The following PCDHA6 variants were observed in gnomAD, a reference collection of about 807,000 sequenced individuals.
PCDHA6 encodes protocadherin alpha 6, also known as protocadherin alpha-6.
In PCDHA6, 55 loss-of-function variants were observed where a neutral mutation model predicts 60.3. The observed-to-expected ratio is 0.91, with a 90% CI of 0.73 to 1.14. PCDHA6 has a LOEUF of 1.14. PCDHA6 is among the 50% of genes most tolerant of loss of function. PCDHA6 has a pLI of 0.00. For missense variants in PCDHA6, 1,327 were observed against 1,256.5 expected, an observed-to-expected ratio of 1.06 and a Z score of -0.85; for synonymous variants, 652 against 557.9, an observed-to-expected ratio of 1.17 and a Z score of -2.38.
chr5:140,828,638 A>G lies in PCDHA6; in HGVS notation c.547A>G (p.Lys183Glu). ...TAGCGAATACTTCGGGCTAGATGTG[A>G]AAATAAACAGTGATGACAATAAACA... ...SSSEYFGLDV[K>E]INSDDNKQIG... Residue 183 changes from lysine to glutamate, a missense_variant, in exon 1 of 4, where the codon AAA becomes GAA. By Grantham distance (56) the Lys-to-Glu change is moderately conservative (BLOSUM62 1). Transcript: ENST00000529310. 1 of 1,614,228 alleles carries G rather than the reference A, an allele frequency of 6.2e-7. No homozygotes were observed. Among genetic ancestry groups the G allele is most frequent in the Non-Finnish European group, 8.5e-7 (1 of 1,180,038 alleles).
In PCDHA6 at chr5:140,857,453, C is replaced by T. The variant is rs545328956; in HGVS notation, c.2394+26968C>T. 59 of 1,598,490 alleles carry T rather than the reference C, an allele frequency of 3.7e-5. 5 individuals carry two copies. The highest frequency in any genetic ancestry group is 5.1e-5 in the Non-Finnish European group (59 of 1,167,918). On this transcript the variant is annotated intron_variant, in intron 1 of 3. Coordinates refer to ENST00000529310, the MANE Select transcript of PCDHA6 (RefSeq NM_018909.4). ...GGTGTTCGTGAAGGAGAACAACCCG[C>T]CAGGCTGCCACATCTTCACGGTGTC...
At chr5:140,888,011 A>G (rs1554183291) in intron 1 of PCDHA6, among the ~76,000 whole-genome samples, 1 of 152,138 alleles carries the variant, frequency 6.6e-6, no homozygotes, top group African/African-American at 2.4e-5. Flanking sequence ...TCATCTTTTT[A>G]TCTATATGTT....
intron 3 of PCDHA6, among the ~76,000 whole-genome samples, chr5:140,991,890 T>A (rs1192590580): frequency 1.3e-5 from 2 of 152,192 alleles, no homozygotes; most frequent in Non-Finnish European, 2.9e-5. Context: ...CCATAACAAA[T>A]TAACACAAAA....
chr5:140,968,715 A>G, intron 1 of PCDHA6: 1 of 1,614,132 alleles, frequency 6.2e-7, no homozygotes, highest in Non-Finnish European at 8.5e-7. Context: ...AAGATGGGAG[A>G]TGAGAGTGGT....
In PCDHA6 at chr5:140,876,048, T is replaced by A. The variant is rs376201695; in HGVS notation, c.2394+45563T>A. 5 of 1,613,812 alleles carry A rather than the reference T, an allele frequency of 3.1e-6. No individual in the cohort carries two copies. In the African/African-American group the frequency reaches 5.3e-5, roughly 17 times the overall value. On this transcript the variant is annotated intron_variant, in intron 1 of 3. Transcript: ENST00000529310. ...CAAAAAAAGATAAAAGTATATTGCC[T>A]GAATTAGTTCTTCGGAAGTTATTGG...
At chr5:140,879,878 T>C (rs1462304142) in intron 1 of PCDHA6, among the ~76,000 whole-genome samples, 1 of 152,198 alleles carries the variant, frequency 6.6e-6, no homozygotes, top group Non-Finnish European at 1.5e-5. Context: ...ATGGTCACAT[T>C]GCCTCCTCCT....
At chr5:140,876,963 G>T in intron 1 of PCDHA6, 4 of 1,613,068 alleles carry the variant, frequency 2.5e-6, no homozygotes, top group Non-Finnish European at 2.5e-6. Context: ...TGGTGGAGCG[G>T]CGGGTGGGCG....
chr5:140,916,723 T>C (rs1264644464), intron 1 of PCDHA6, among the ~76,000 whole-genome samples: 1 of 152,186 alleles, frequency 6.6e-6, no homozygotes, highest in Non-Finnish European at 1.5e-5. Context: ...GGAGTGACTT[T>C]TGTTGCTGCA....
At chr5:140,923,826 T>A (rs2081533545) in intron 1 of PCDHA6, among the ~76,000 whole-genome samples, 1 of 152,218 alleles carries the variant, frequency 6.6e-6, no homozygotes, top group East Asian at 1.9e-4. Context: ...TAGACGTCAG[T>A]GGCAGTTTAA....
At chr5:140,842,015 G>C in intron 1 of PCDHA6, 1 of 1,613,814 alleles carries the variant, frequency 6.2e-7, no homozygotes, top group East Asian at 2.2e-5. Flanking sequence ...GCTGGTCACA[G>C]TGCTGGATGT....
At chr5:140,940,028 G>T (rs782276273) in intron 1 of PCDHA6, among the ~76,000 whole-genome samples, 1 of 152,048 alleles carries the variant, frequency 6.6e-6, no homozygotes, top group African/African-American at 2.4e-5. Context: ...ATGTTTTAAG[G>T]CTATTTTATT....
Position 140,849,589 on chromosome 5 carries a change from T to C in PCDHA6, c.2394+19104T>C, listed in dbSNP as rs2150441752. On this transcript the variant is annotated intron_variant, in intron 1 of 3. Transcript: ENST00000529310. The stretch of plus-strand genomic sequence containing the variant: ...GTTCCTGTAAAAGAGGACGCACAAC[T>C]GGGGACAGTTATTGCCCTGATTAGT... 3.8e-6 allele frequency: 6 copies of C among 1,598,582 alleles called. No individual in the cohort carries two copies. The Admixed American group carries it at 6.7e-5, about 18-fold the overall frequency.
At chr5:140,849,552 A>C (rs2150440271) in intron 1 of PCDHA6, 1 of 1,598,478 alleles carries the variant, frequency 6.3e-7, no homozygotes, top group South Asian at 1.1e-5. Context: ...GTTGACTATC[A>C]AAACGCTCTC....
Position 140,848,545 on chromosome 5 carries a change from C to A in PCDHA6, c.2394+18060C>A. On this transcript the variant is annotated intron_variant, in intron 1 of 3. Coordinates refer to ENST00000529310, the MANE Select transcript of PCDHA6 (RefSeq NM_018909.4). ...CCAGAGGGTCAGCCTCTACTGCTCT[C>A]GCTTCTGATCCTCGCAATGTGGGTG... is the stretch of plus-strand genomic sequence containing the variant. 4 of 1,595,440 alleles carry A rather than the reference C, an allele frequency of 2.5e-6. 1 individual carries two copies. Among genetic ancestry groups the A allele is most frequent in the Non-Finnish European group, 3.4e-6 (4 of 1,165,436 alleles).
At chr5:140,927,040 A>G in intron 1 of PCDHA6, 1 of 1,612,350 alleles carries the variant, frequency 6.2e-7, no homozygotes, top group Non-Finnish European at 8.5e-7. Context: ...AGCGGCCGCT[A>G]TGTCCTCGCG....
chr5:140,929,174 G>C, intron 1 of PCDHA6: 1 of 1,614,140 alleles, frequency 6.2e-7, no homozygotes, highest in South Asian at 1.1e-5. Flanking sequence ...GCCTCTCTGG[G>C]ACTTGGTTCT....
intron 1 of PCDHA6, among the ~76,000 whole-genome samples, chr5:140,895,220 A>C (rs1044682871): frequency 6.6e-6 from 1 of 152,158 alleles, no homozygotes; most frequent in Non-Finnish European, 1.5e-5. Context: ...CTAATATTTT[A>C]CTGAGTTTTC....
At chr5:140,837,445 G>A (rs1228498805) in intron 1 of PCDHA6, among the ~76,000 whole-genome samples, 1 of 151,888 alleles carries the variant, frequency 6.6e-6, no homozygotes, top group Non-Finnish European at 1.5e-5. Context: ...CTAGTACGTA[G>A]TAAAAAATCT....
intron 1 of PCDHA6, chr5:140,869,202 C>T (rs2050919461): frequency 3.1e-6 from 5 of 1,613,890 alleles, no homozygotes; most frequent in African/African-American, 2.7e-5. Flanking sequence ...AGCTCCACTA[C>T]TCCGTCTCGG....
Sources: allele counts gnomAD v4.1 joint callset (sites outside exome capture counted in the v4.1 genomes callset), GRCh38; gene constraint gnomAD v4.1.1; transcripts MANE v1.5; gene names NCBI Gene and HGNC (gene_info 2026-07-23, HGNC 2026-07-21).